The following C16orf74 variants were observed in gnomAD, a reference collection of about 807,000 sequenced individuals.
C16orf74 encodes the protein uncharacterized protein C16orf74.
C16orf74 carries 10 observed loss-of-function variants against 6.5 expected under a neutral mutation model. The observed-to-expected ratio is 1.54, with a 90% CI of 0.95 to 2.61. The LOEUF (loss-of-function observed/expected upper bound fraction) is 2.61, where lower values mean the gene tolerates loss of function less well. Ranked by LOEUF, C16orf74 falls within the 30% of genes most tolerant of loss-of-function variation. The pLI, the probability that C16orf74 is intolerant of heterozygous loss-of-function variation, is 0.00. For synonymous variants in C16orf74, 60 were observed against 42.5 expected (o/e 1.41, Z -1.60); for missense variants, 141 against 105.9 (o/e 1.33, Z -1.45).
intron 2 of C16orf74, among the ~76,000 whole-genome samples, chr16:85,724,359 C>A (rs2054111918): frequency 6.6e-6 from 1 of 152,176 alleles, no homozygotes. Context: ...CCTAAGGAAA[C>A]TGCAGGGAAC....
chr16:85,750,121 A>C (rs1409342382), intron 1 of C16orf74, among the ~76,000 whole-genome samples: 2 of 152,158 alleles, frequency 1.3e-5, no homozygotes, highest in East Asian at 3.9e-4. Flanking sequence ...TAACCTGTAC[A>C]TTGAGGCGTT....
intron 2 of C16orf74, among the ~76,000 whole-genome samples, chr16:85,722,997 G>A (rs1211591910): frequency 1.3e-5 from 2 of 152,198 alleles, no homozygotes; most frequent in African/African-American, 2.4e-5. Context: ...TCAGGCTCAT[G>A]CCTGAAATCC....
Position 85,724,588 on chromosome 16 carries a change from G to C in C16orf74, c.28+10602C>G, listed in dbSNP as rs371338251. Among the ~76,000 whole-genome samples, 9 of 152,298 alleles carry C rather than the reference G, an allele frequency of 5.9e-5. No individual in the cohort carries two copies. In the East Asian group the frequency reaches 9.6e-4, roughly 16 times the overall value. On this transcript the variant is annotated intron_variant, in intron 2 of 3. Coordinates refer to ENST00000284245, the MANE Select transcript of C16orf74 (RefSeq NM_206967.3). ...GGAGGGAAAGAGCTGAACCTGCCTG[G>C]TGAGGTGTGAGCTTTGGGAGCGCTG...
rs560070345 is a variant in C16orf74 at position 85,727,054 on chromosome 16, C to G, written c.28+8136G>C. Among the ~76,000 whole-genome samples the G allele has an allele frequency of 4.6e-5, 7 of 152,364 alleles. No homozygotes were observed. The South Asian group carries it at 1.4e-3, about 32-fold the overall frequency. On this transcript the variant is annotated intron_variant, in intron 2 of 3. Transcript: ENST00000284245. ...GTCACTCCTCACCTCTGTACACTCCCAGTGGCCAGGACCACACTGCCTTGT... is the reference window on the plus strand; with the variant it reads ...GTCACTCCTCACCTCTGTACACTCCGAGTGGCCAGGACCACACTGCCTTGT...
At position 85,721,978 on chromosome 16, in the gene C16orf74, CTTTTTTT is replaced by C. The variant is rs146218477; in HGVS notation, c.29-11678_29-11672del. 6.6e-5 allele frequency among the ~76,000 whole-genome samples: 6 copies of C among 91,142 alleles called. 1 individual carries two copies. The highest frequency in any genetic ancestry group is 0.018 in the Middle Eastern group (2 of 110). The allele number at this position is 91,142 out of a possible 152,430, so 59.8% of individuals were successfully genotyped here. A position where few individuals can be genotyped will look rare whatever the true frequency, so the allele number is the denominator to read the frequency against. On this transcript the variant is annotated intron_variant, in intron 2 of 3. Coordinates refer to ENST00000284245, the MANE Select transcript of C16orf74 (RefSeq NM_206967.3). ...TTCTCATTGGAATAGAGATTCTAAC[CTTTTTTT>C]TTTTTTTTTTTTTTTTTTTAAAGAA...
At chr16:85,748,331 G>A (rs2054397320) in intron 1 of C16orf74, among the ~76,000 whole-genome samples, 1 of 152,038 alleles carries the variant, frequency 6.6e-6, no homozygotes, top group African/African-American at 2.4e-5. Flanking sequence ...TGGGTGCAGT[G>A]GCTCACGCCT....
chr16:85,713,183 C>G (rs2053986935), intron 2 of C16orf74, among the ~76,000 whole-genome samples: 3 of 152,148 alleles, frequency 2.0e-5, no homozygotes. Flanking sequence ...TGCTGACAAT[C>G]TGGCGTTCCT....
chr16:85,709,018 C>A (rs2053940597), intron 3 of C16orf74, among the ~76,000 whole-genome samples: 1 of 152,246 alleles, frequency 6.6e-6, no homozygotes, highest in African/African-American at 2.4e-5. Flanking sequence ...GCACCCGTGA[C>A]TAGCACATGG....
At chr16:85,749,067 C>T (rs2054406862) in intron 1 of C16orf74, among the ~76,000 whole-genome samples, 1 of 151,798 alleles carries the variant, frequency 6.6e-6, no homozygotes, top group Non-Finnish European at 1.5e-5. Context: ...AGGTGTGAGC[C>T]ACTGTGCCTG....
Position 85,707,940 on chromosome 16 carries a change from C to G in C16orf74, c.*68G>C. On this transcript the variant is annotated 3_prime_UTR_variant, in exon 4 of 4. Transcript: ENST00000284245. ...ATTCAGCACACCTGCTCCAGGCAGC[C>G]ACGCCCCCGGACACCTGAAGCCGGG... 1 of 1,395,846 alleles carries G rather than the reference C, an allele frequency of 7.2e-7. No homozygotes were observed. 86.5% of individuals were successfully genotyped at this position (1,395,846 alleles called of 1,614,324 possible).
chr16:85,708,137 A>C, intron 3 of C16orf74, 71 bp from the exon 4 acceptor site: 1 of 1,321,658 alleles, frequency 7.6e-7, no homozygotes, highest in East Asian at 2.5e-5. Context: ...TTCCCTGGGA[A>C]CTGCAGGGCT....
chr16:85,733,581 G>C (rs1183131214), intron 2 of C16orf74, among the ~76,000 whole-genome samples: 1 of 152,204 alleles, frequency 6.6e-6, no homozygotes, highest in Non-Finnish European at 1.5e-5. Flanking sequence ...AAGAAGAAAA[G>C]TATCCTCAAT....
intron 2 of C16orf74, among the ~76,000 whole-genome samples, chr16:85,725,071 G>C (rs1164763174): frequency 6.6e-6 from 1 of 152,172 alleles, no homozygotes; most frequent in Non-Finnish European, 1.5e-5. Context: ...CTGATGGGGG[G>C]GGGACCGGCT....
At chr16:85,726,120 C>T (rs1410858758) in intron 2 of C16orf74, among the ~76,000 whole-genome samples, 1 of 152,172 alleles carries the variant, frequency 6.6e-6, no homozygotes. Flanking sequence ...CCACAGAGAA[C>T]CCCTCACCTT....
intron 2 of C16orf74, among the ~76,000 whole-genome samples, chr16:85,717,548 A>G (rs1173767319): frequency 6.6e-6 from 1 of 152,114 alleles, no homozygotes; most frequent in Non-Finnish European, 1.5e-5. Context: ...TGTGGGGAGA[A>G]ATGACCCTCG....
At chr16:85,747,353 G>C (rs1413133472) in intron 1 of C16orf74, among the ~76,000 whole-genome samples, 1 of 152,178 alleles carries the variant, frequency 6.6e-6, no homozygotes, top group Non-Finnish European at 1.5e-5. Context: ...TTGGGGGGCT[G>C]AGTTGGGAGG....
intron 2 of C16orf74, among the ~76,000 whole-genome samples, chr16:85,726,815 C>T (rs1290437467): frequency 6.6e-6 from 1 of 152,310 alleles, no homozygotes; most frequent in East Asian, 1.9e-4. Context: ...TCCTCTCCGG[C>T]GTTGTGGCCC....
intron 2 of C16orf74, among the ~76,000 whole-genome samples, chr16:85,719,127 C>A (rs2054053768): frequency 6.6e-6 from 1 of 152,194 alleles, no homozygotes; most frequent in African/African-American, 2.4e-5. Context: ...CTTATGTCAC[C>A]CTCCTTTGCA....
At chr16:85,749,541 C>T (rs1285168400) in intron 1 of C16orf74, among the ~76,000 whole-genome samples, 1 of 152,174 alleles carries the variant, frequency 6.6e-6, no homozygotes. Context: ...CTTTGGCATC[C>T]CAAAGTATTG....
Sources: allele counts gnomAD v4.1 joint callset (sites outside exome capture counted in the v4.1 genomes callset), GRCh38; gene constraint gnomAD v4.1.1; transcripts MANE v1.5; gene names NCBI Gene and HGNC (gene_info 2026-07-23, HGNC 2026-07-21).